The following CSMD1 variants were observed in gnomAD, a reference collection of about 807,000 sequenced individuals.
CSMD1 encodes the protein CUB and Sushi multiple domains 1, also known as CUB and sushi domain-containing protein 1.
A neutral mutation model predicts 417.5 loss-of-function variants in CSMD1; 213 were observed. The ratio of observed to expected loss-of-function variants is 0.51; its 90% CI spans 0.46 to 0.57. The LOEUF (loss-of-function observed/expected upper bound fraction) is 0.57, where lower values mean the gene tolerates loss of function less well. Ranked by LOEUF, CSMD1 falls within the 20% of genes least tolerant of loss-of-function variation. The pLI, the probability that CSMD1 is intolerant of heterozygous loss-of-function variation, is 0.00. For synonymous variants in CSMD1, 2,862 were observed against 1,736.8 expected (o/e 1.65, Z -16.11); for missense variants, 6,923 against 4,529.7 (o/e 1.53, Z -15.17).
chr8:4,065,915 AG>A (rs1799222126), intron 3 of CSMD1, among the ~76,000 whole-genome samples: 1 of 152,224 alleles, frequency 6.6e-6, no homozygotes, highest in Admixed American at 6.5e-5. Flanking sequence ...AAAGTGGCCC[AG>A]GGAAAAATGA....
intron 5 of CSMD1, among the ~76,000 whole-genome samples, chr8:3,911,567 G>C (rs951880296): frequency 2.0e-5 from 3 of 151,570 alleles, no homozygotes; most frequent in African/African-American, 7.3e-5. Flanking sequence ...AGAAAACGAA[G>C]GCTATATAAC....
At chr8:4,289,059 C>A (rs1399724555) in intron 3 of CSMD1, among the ~76,000 whole-genome samples, 2 of 152,012 alleles carry the variant, frequency 1.3e-5, no homozygotes, top group African/African-American at 4.8e-5. Flanking sequence ...AAAAACAGTG[C>A]ACATATGGAT....
intron 6 of CSMD1, among the ~76,000 whole-genome samples, chr8:3,748,213 C>A (rs771302259): frequency 6.6e-6 from 1 of 152,018 alleles, no homozygotes; most frequent in Admixed American, 6.6e-5. Context: ...AAAGTGGTTA[C>A]GTGTTTCTGA....
chr8:4,173,528 C>T (rs1797878252), intron 3 of CSMD1, among the ~76,000 whole-genome samples: 2 of 151,978 alleles, frequency 1.3e-5, no homozygotes, highest in African/African-American at 2.4e-5. Flanking sequence ...ACACCATCCT[C>T]TTGTGGTTTA....
intron 3 of CSMD1, among the ~76,000 whole-genome samples, chr8:4,318,125 C>G (rs757932833): frequency 6.6e-6 from 1 of 152,084 alleles, no homozygotes; most frequent in Non-Finnish European, 1.5e-5. Context: ...AAATTTTATG[C>G]AACTACATTG....
chr8:4,002,600 C>T (rs1221845239), intron 4 of CSMD1, among the ~76,000 whole-genome samples: 2 of 152,082 alleles, frequency 1.3e-5, no homozygotes, highest in Non-Finnish European at 2.9e-5. Flanking sequence ...ACTTATCTTC[C>T]AGTTTAGCTG....
chr8:4,974,388 T>C (rs1810423938), intron 1 of CSMD1, among the ~76,000 whole-genome samples: 1 of 152,144 alleles, frequency 6.6e-6, no homozygotes, highest in African/African-American at 2.4e-5. Flanking sequence ...AAAGTTTCCC[T>C]TGATTATCTC....
intron 2 of CSMD1, among the ~76,000 whole-genome samples, chr8:4,474,491 G>C (rs1480738351): frequency 6.6e-6 from 1 of 152,156 alleles, no homozygotes; most frequent in South Asian, 2.1e-4. Flanking sequence ...GTTGCTAAGG[G>C]CTGCAGTCTT....
intron 18 of CSMD1, among the ~76,000 whole-genome samples, chr8:3,381,925 A>G (rs1389055174): frequency 6.6e-6 from 1 of 152,174 alleles, no homozygotes; most frequent in African/African-American, 2.4e-5. Context: ...CATATACACA[A>G]CATGCATTGT....
Position 4,144,609 on chromosome 8 carries a change from C to T in CSMD1, c.416-112510G>A, listed in dbSNP as rs115888393. ...TGTTAAGTCATAAAAGAGGTGAAGA[C>T]AAGCTTGTTCTTGTTTGTCTGGAGC... On this transcript the variant is annotated intron_variant, in intron 3 of 69. Coordinates refer to ENST00000635120, the MANE Select transcript of CSMD1 (RefSeq NM_033225.6). 4.6e-3 allele frequency among the ~76,000 whole-genome samples: 689 copies of T among 151,090 alleles called. 62 individuals are homozygous for T. Among genetic ancestry groups the T allele is most frequent in the African/African-American group, 0.016 (662 of 40,438 alleles).
chr8:3,684,084 A>G (rs1286212514), intron 7 of CSMD1, among the ~76,000 whole-genome samples: 1 of 147,628 alleles, frequency 6.8e-6, no homozygotes, highest in African/African-American at 2.5e-5. Flanking sequence ...GAAAAAAGCA[A>G]CTTTAAATGT....
chr8:4,528,497 G>A (rs896166368), intron 2 of CSMD1, among the ~76,000 whole-genome samples: 2 of 152,180 alleles, frequency 1.3e-5, no homozygotes. Flanking sequence ...GGTCAGCTGT[G>A]TAGCATGGCG....
intron 4 of CSMD1, among the ~76,000 whole-genome samples, chr8:4,022,092 C>T (rs1320342617): frequency 1.8e-5 from 2 of 110,704 alleles, no homozygotes; most frequent in African/African-American, 5.9e-5. Flanking sequence ...TATCCACACA[C>T]ACACATATAT....
intron 1 of CSMD1, among the ~76,000 whole-genome samples, chr8:4,947,691 T>A (rs1808461670): frequency 6.6e-6 from 1 of 152,158 alleles, no homozygotes; most frequent in African/African-American, 2.4e-5. Context: ...GAAAAATAAA[T>A]TCATCATAAA....
chr8:3,092,014 T>C (rs1814981156), intron 47 of CSMD1, among the ~76,000 whole-genome samples: 3 of 152,166 alleles, frequency 2.0e-5, no homozygotes, highest in Admixed American at 2.0e-4. Flanking sequence ...CATGTAATAC[T>C]AGTGGAAGCG....
chr8:3,454,769 T>C (rs1212254486), intron 12 of CSMD1, among the ~76,000 whole-genome samples: 2 of 152,232 alleles, frequency 1.3e-5, no homozygotes, highest in Non-Finnish European at 2.9e-5. Flanking sequence ...TCTACTTTGC[T>C]GAATCTGACA....
chr8:3,816,569 A>G (rs1007320855), intron 5 of CSMD1, among the ~76,000 whole-genome samples: 1 of 152,204 alleles, frequency 6.6e-6, no homozygotes, highest in African/African-American at 2.4e-5. Context: ...AACAAGACCT[A>G]GTATTTAATA....
At chr8:4,884,942 T>C (rs778239172) in intron 1 of CSMD1, among the ~76,000 whole-genome samples, 18 of 152,142 alleles carry the variant, frequency 1.2e-4, no homozygotes, top group Non-Finnish European at 1.5e-4. Context: ...TAACTGAAGA[T>C]TGCTGTAGCA....
At chr8:3,581,197 C>T (rs7827656) in intron 9 of CSMD1, among the ~76,000 whole-genome samples, 35,516 of 152,002 alleles carry the variant, frequency 0.23, 4,317 homozygotes, top group Admixed American at 0.27. Flanking sequence ...AAAAATAGAA[C>T]GATATACTCT....
Sources: allele counts gnomAD v4.1 joint callset (sites outside exome capture counted in the v4.1 genomes callset), GRCh38; gene constraint gnomAD v4.1.1; transcripts MANE v1.5; gene names NCBI Gene and HGNC (gene_info 2026-07-23, HGNC 2026-07-21).